Variants in ADAMTS16 observed in about 807,000 individuals in gnomAD.
ADAMTS16 encodes the protein ADAM metallopeptidase with thrombospondin type 1 motif 16, also known as A disintegrin and metalloproteinase with thrombospondin motifs 16.
In ADAMTS16, 94 loss-of-function variants were observed where a neutral mutation model predicts 145.8. That is an observed-to-expected ratio of 0.64 (90% CI 0.55 to 0.77). The LOEUF (loss-of-function observed/expected upper bound fraction) is 0.77. ADAMTS16 is among the 30% of genes least tolerant of loss of function. The probability of loss-of-function intolerance (pLI) is 0.00; values close to 1 mark genes in which losing one functional copy is unlikely to be tolerated. For missense variants in ADAMTS16, 1,585 were observed against 1,591.5 expected, an observed-to-expected ratio of 1.00 and a Z score of 0.07; for synonymous variants, 659 against 604.3, an observed-to-expected ratio of 1.09 and a Z score of -1.33.
chr5:5,140,351 G>T lies in ADAMTS16; in HGVS notation c.-117G>T. The T allele has an allele frequency of 1.9e-6, 2 of 1,036,378 alleles. No individual in the cohort carries two copies. The highest frequency in any genetic ancestry group is 1.9e-5 in the South Asian group (1 of 51,324). The allele number at this position is 1,036,378 out of a possible 1,614,324, so 64.2% of individuals were successfully genotyped here. On this transcript the variant is annotated 5_prime_UTR_variant, in exon 1 of 23. Coordinates refer to ENST00000274181, the MANE Select transcript of ADAMTS16 (RefSeq NM_139056.4). The stretch of plus-strand genomic sequence containing the variant: ...CTTCAGTAATAACCCCGGCGCGGCG[G>T]CGGAGTCGCTGTGGGGAATCCTCCC...
In ADAMTS16 at chr5:5,182,158, A is replaced by C; in HGVS notation, c.616A>C (p.Lys206Gln). 6.2e-7 allele frequency: 1 copy of C among 1,614,176 alleles called. No homozygotes were observed. Among genetic ancestry groups the C allele is most frequent in the Non-Finnish European group, 8.5e-7 (1 of 1,180,034 alleles). Reference sequence around the variant, plus strand: ...CAGCTCGCCATCCCACGTACTGTACAAGAGATCCACAGAGCCCCATGCTCC... The same window carrying C: ...CAGCTCGCCATCCCACGTACTGTACCAGAGATCCACAGAGCCCCATGCTCC... ...QGSSPSHVLYKRSTEPHAPGA... is the reference protein window; with the variant it reads ...QGSSPSHVLYQRSTEPHAPGA... Residue 206 changes from lysine (K) to glutamine (Q), a missense_variant, in exon 4 of 23, where the codon AAG becomes CAG. Physicochemically the swap from Lys to Gln is moderately conservative, Grantham distance 53 (BLOSUM62 1). Coordinates refer to ENST00000274181, the MANE Select transcript of ADAMTS16 (RefSeq NM_139056.4).
chr5:5,155,155 T>G (rs1018478684), intron 3 of ADAMTS16, among the ~76,000 whole-genome samples: 1 of 152,306 alleles, frequency 6.6e-6, no homozygotes, highest in South Asian at 2.1e-4. Context: ...ATGACCTTTT[T>G]TTCCTCCTTA....
chr5:5,311,026 T>C (rs1340770159), intron 21 of ADAMTS16, among the ~76,000 whole-genome samples: 3 of 152,190 alleles, frequency 2.0e-5, no homozygotes, highest in African/African-American at 4.8e-5. Context: ...CTGCTGGCAA[T>C]TGGACTCCTC....
intron 5 of ADAMTS16, among the ~76,000 whole-genome samples, chr5:5,186,751 T>C (rs561278479): frequency 6.6e-6 from 1 of 152,350 alleles, no homozygotes; most frequent in African/African-American, 2.4e-5. Flanking sequence ...GTGTCTCAAA[T>C]TGGCAGCTGT....
chr5:5,187,633 T>A (rs905795605), intron 5 of ADAMTS16, 92 bp from the exon 6 acceptor site: 4 of 815,818 alleles, frequency 4.9e-6, no homozygotes, highest in Non-Finnish European at 8.6e-6. Flanking sequence ...GCTCTGTCAC[T>A]GAAGAACAAG....
At chr5:5,204,773 G>A (rs1032148561) in intron 9 of ADAMTS16, among the ~76,000 whole-genome samples, 1 of 152,212 alleles carries the variant, frequency 6.6e-6, no homozygotes, top group Non-Finnish European at 1.5e-5. Context: ...TGTCTTGAGT[G>A]TACATAGGAA....
intron 17 of ADAMTS16, among the ~76,000 whole-genome samples, chr5:5,243,081 A>G (rs988037522): frequency 4.6e-5 from 7 of 152,364 alleles, no homozygotes; most frequent in East Asian, 1.9e-4. Flanking sequence ...ATAAATAAAA[A>G]TAAATTTACA....
intron 3 of ADAMTS16, among the ~76,000 whole-genome samples, chr5:5,155,887 G>A (rs1734588953): frequency 6.6e-6 from 1 of 152,036 alleles, no homozygotes; most frequent in African/African-American, 2.4e-5. Context: ...AGTCCACAGG[G>A]GTTAGACAGG....
chr5:5,145,922 A>G (rs972440041), intron 2 of ADAMTS16, among the ~76,000 whole-genome samples: 3 of 152,094 alleles, frequency 2.0e-5, no homozygotes, highest in African/African-American at 7.2e-5. Context: ...ATAGCACATT[A>G]TGGGGCCCTT....
At chr5:5,288,034 C>CA (rs1560988917) in intron 18 of ADAMTS16, among the ~76,000 whole-genome samples, 54 of 152,254 alleles carry the variant, frequency 3.5e-4, no homozygotes, top group African/African-American at 1.3e-3. Flanking sequence ...ATCCAAGAAA[C>CA]CCTGACGCGA....
chr5:5,251,376 C>T (rs1358078440), intron 17 of ADAMTS16, among the ~76,000 whole-genome samples: 1 of 152,174 alleles, frequency 6.6e-6, no homozygotes, highest in Non-Finnish European at 1.5e-5. Context: ...CATTCTTGAG[C>T]AATTATGAAT....
intron 17 of ADAMTS16, among the ~76,000 whole-genome samples, chr5:5,253,313 G>A (rs572665817): frequency 1.3e-5 from 2 of 152,330 alleles, no homozygotes; most frequent in East Asian, 3.9e-4. Flanking sequence ...GTCCGGTAAG[G>A]CGGGACAACT....
rs781729976 is a variant in ADAMTS16, at chr5:5,303,594, G to A, written c.3014G>A (p.Gly1005Glu). 2.5e-6 allele frequency: 4 copies of A among 1,614,048 alleles called. No individual in the cohort carries two copies. The African/African-American group carries it at 4.0e-5, about 16-fold the overall frequency. Residue 1005 changes from glycine to glutamate, a missense_variant, in exon 20 of 23, where the codon GGG becomes GAG. Gly to Glu is a moderately conservative substitution (Grantham distance 98). Around this residue, in one of 3 missense-constraint regions of ADAMTS16, gnomAD observed 834 missense variants for 811.7 expected, o/e 1.03. Transcript: ENST00000274181. The part of the protein sequence containing the change: ...WAECSHTCGK[G>E]WRKRAVACKS... ...CAGTGCTCACACACCTGTGGGAAGG[G>A]GTGGAGGAAGCGGGCAGTGGCCTGT... is the stretch of plus-strand genomic sequence containing the variant.
At chr5:5,268,416 G>A (rs892933777) in intron 18 of ADAMTS16, among the ~76,000 whole-genome samples, 1 of 152,112 alleles carries the variant, frequency 6.6e-6, no homozygotes, top group Non-Finnish European at 1.5e-5. Flanking sequence ...TCAGACGCTC[G>A]GTCACCACAG....
intron 3 of ADAMTS16, among the ~76,000 whole-genome samples, chr5:5,160,025 G>T (rs1734700536): frequency 6.6e-6 from 1 of 152,190 alleles, no homozygotes. Flanking sequence ...AATAAATAAA[G>T]AATGATGGAT....
chr5:5,247,716 G>T (rs1196731290), intron 17 of ADAMTS16, among the ~76,000 whole-genome samples: 1 of 152,212 alleles, frequency 6.6e-6, no homozygotes. Flanking sequence ...CCCTAAAAAT[G>T]GGCGATTACT....
Position 5,220,218 on chromosome 5 carries a change from G to A in ADAMTS16, c.1606-2571G>A, listed in dbSNP as rs969759096. Among the ~76,000 whole-genome samples, 3 of 145,164 alleles carry A rather than the reference G, an allele frequency of 2.1e-5. No individual in the cohort carries two copies. In the South Asian group the frequency reaches 6.5e-4, roughly 32 times the overall value. On this transcript the variant is annotated intron_variant, in intron 10 of 22. Transcript: ENST00000274181. Reference sequence around the variant, plus strand: ...TCTGTCACCCAGTCTAGAGTACAGTGGTGCCATCTCGGCTCACTGCGACCT... The same window carrying A: ...TCTGTCACCCAGTCTAGAGTACAGTAGTGCCATCTCGGCTCACTGCGACCT...
Position 5,242,112 on chromosome 5 carries a change from G to A in ADAMTS16, c.2583G>A (p.Gly861=), listed in dbSNP as rs767753888. 2 of 1,614,202 alleles carry A rather than the reference G, an allele frequency of 1.2e-6. No homozygotes were observed. Among genetic ancestry groups the A allele is most frequent in the Admixed American group, 1.7e-5 (1 of 60,022 alleles). Residue 861 remains glycine, a synonymous_variant, in exon 17 of 23, where the codon GGG becomes GGA. Transcript: ENST00000274181. ...GGGAATACTCCATGCCTCGCTTGGG[G>A]ACCGAGAAGCAGCCCCCTGCCCAGC... The part of the protein sequence containing the change: ...VAWEYSMPRL[G]TEKQPPAQPS...
chr5:5,181,203 G>A (rs1250752120), intron 3 of ADAMTS16, among the ~76,000 whole-genome samples: 2 of 152,196 alleles, frequency 1.3e-5, no homozygotes, highest in East Asian at 1.9e-4. Context: ...AATTGTGCAC[G>A]TTAACTCATA....
Sources: allele counts gnomAD v4.1 joint callset (sites outside exome capture counted in the v4.1 genomes callset), GRCh38; gene constraint gnomAD v4.1.1; regional missense constraint gnomAD v4.1.1; transcripts MANE v1.5; gene names NCBI Gene and HGNC (gene_info 2026-07-23, HGNC 2026-07-21).